Variants in RGS7 observed in about 807,000 individuals in gnomAD.
RGS7 encodes regulator of G protein signaling 7, also known as regulator of G-protein signaling 7.
Under a neutral mutation model 81.1 loss-of-function variants are expected in RGS7, and 27 were observed. The observed-to-expected ratio is 0.33, with a 90% CI of 0.25 to 0.46. The LOEUF is 0.46. RGS7 is among the 20% of genes least tolerant of loss of function. RGS7 has a pLI of 1.00. For missense variants in RGS7, 396 were observed against 607.4 expected (o/e 0.65, Z 3.66); for synonymous variants, 208 against 207.7 (o/e 1.00, Z -0.01).
intron 3 of RGS7, among the ~76,000 whole-genome samples, chr1:241,087,974 C>CTATATA (rs1267222305): frequency 1.7e-5 from 2 of 116,006 alleles, no homozygotes; most frequent in Admixed American, 1.9e-4. Context: ...CTCTCTCTCT[C>CTATATA]TCTATATATA....
At chr1:241,167,936 CA>C (rs2070398277) in intron 2 of RGS7, among the ~76,000 whole-genome samples, 2 of 152,136 alleles carry the variant, frequency 1.3e-5, no homozygotes, top group Admixed American at 6.5e-5. Context: ...CTGGAAGGGG[CA>C]ACTGAAAACA....
chr1:240,962,144 T>C (rs1357404632), intron 4 of RGS7, among the ~76,000 whole-genome samples: 8 of 152,182 alleles, frequency 5.3e-5, no homozygotes, highest in Non-Finnish European at 1.2e-4. Flanking sequence ...GGCAGAAGTC[T>C]ACTGAATCTG....
chr1:240,932,562 G>A (rs970800819), intron 5 of RGS7, among the ~76,000 whole-genome samples: 2 of 146,450 alleles, frequency 1.4e-5, no homozygotes, highest in African/African-American at 5.1e-5. Context: ...AGGCTGGAGT[G>A]CAGTGGTGCG....
chr1:240,807,202 G>T (rs1244700781), intron 14 of RGS7, among the ~76,000 whole-genome samples: 1 of 152,172 alleles, frequency 6.6e-6, no homozygotes, highest in African/African-American at 2.4e-5. Flanking sequence ...TTAATCGGTT[G>T]CATTTCTTCA....
At chr1:240,840,399 G>T (rs763640461) in intron 9 of RGS7, among the ~76,000 whole-genome samples, 7 of 151,856 alleles carry the variant, frequency 4.6e-5, no homozygotes, top group Admixed American at 4.6e-4. Flanking sequence ...TCAGCCTCCC[G>T]AGTAGCTGGG....
intron 2 of RGS7, among the ~76,000 whole-genome samples, chr1:241,242,979 TTTAA>T (rs2076336700): frequency 6.6e-6 from 1 of 151,874 alleles, no homozygotes; most frequent in Admixed American, 6.6e-5. Flanking sequence ...ATTTTTTTAG[TTTAA>T]TTAAGTCCCA....
chr1:241,078,301 C>CTG (rs71568986), intron 3 of RGS7, among the ~76,000 whole-genome samples: 14,229 of 130,096 alleles, frequency 0.11, 809 homozygotes, highest in East Asian at 0.22. Context: ...CTTCTGGTCT[C>CTG]TGTGTGTGTG....
At chr1:241,126,679 C>A (rs979977778) in intron 2 of RGS7, among the ~76,000 whole-genome samples, 11 of 152,206 alleles carry the variant, frequency 7.2e-5, no homozygotes, top group African/African-American at 2.7e-4. Context: ...ACCCCTCCTA[C>A]CTCCAGCCCC....
At chr1:241,194,222 G>A (rs1263386671) in intron 2 of RGS7, among the ~76,000 whole-genome samples, 2 of 151,272 alleles carry the variant, frequency 1.3e-5, no homozygotes. Flanking sequence ...TTAGATTTTT[G>A]TTCAGCTTTC....
chr1:241,297,923 C>T (rs759558481), intron 2 of RGS7, among the ~76,000 whole-genome samples: 3 of 152,194 alleles, frequency 2.0e-5, no homozygotes, highest in Non-Finnish European at 2.9e-5. Context: ...CCTGGGCATC[C>T]TCTAGTATGT....
intron 2 of RGS7, among the ~76,000 whole-genome samples, chr1:241,119,186 C>T (rs926863289): frequency 6.6e-6 from 1 of 152,110 alleles, no homozygotes; most frequent in African/African-American, 2.4e-5. Flanking sequence ...ATATCTATCA[C>T]AACTAACTAT....
At chr1:241,001,039 T>C (rs952137619) in intron 3 of RGS7, among the ~76,000 whole-genome samples, 4 of 152,276 alleles carry the variant, frequency 2.6e-5, no homozygotes, top group South Asian at 2.1e-4. Flanking sequence ...ACTGCAGATA[T>C]AGAACCCTTA....
chr1:240,790,296 A>G (rs536548439), intron 18 of RGS7, among the ~76,000 whole-genome samples: 1 of 152,126 alleles, frequency 6.6e-6, no homozygotes, highest in Non-Finnish European at 1.5e-5. Flanking sequence ...AATAAAATGA[A>G]GTAGAGTTTT....
chr1:241,131,592 T>TA (rs2067106546), intron 2 of RGS7, among the ~76,000 whole-genome samples: 1 of 147,790 alleles, frequency 6.8e-6, no homozygotes. Context: ...GTCTGGGAGC[T>TA]GGGGGCAAAG....
At position 241,187,705 on chromosome 1, in the gene RGS7, A is replaced by G. The variant is rs2103348307; in HGVS notation, c.79-88943T>C. Among the ~76,000 whole-genome samples, 2 of 152,336 alleles carry G rather than the reference A, an allele frequency of 1.3e-5. 1 individual carries two copies. The highest frequency in any genetic ancestry group is 4.1e-4 in the South Asian group (2 of 4,830). ...AGAATGGCTTTATAAAGAAATTAACATTAACCAAGTATATACTGCCACTTA... is the reference window on the plus strand; with the variant it reads ...AGAATGGCTTTATAAAGAAATTAACGTTAACCAAGTATATACTGCCACTTA... On this transcript the variant is annotated intron_variant, in intron 2 of 18. Transcript: ENST00000440928.
intron 3 of RGS7, among the ~76,000 whole-genome samples, chr1:241,002,513 G>A (rs577439006): frequency 2.7e-4 from 41 of 151,354 alleles, no homozygotes; most frequent in Non-Finnish European, 4.6e-4. Context: ...ACTGAAAATG[G>A]AAAGTGTATT....
intron 2 of RGS7, among the ~76,000 whole-genome samples, chr1:241,262,348 A>G (rs914889173): frequency 4.6e-5 from 7 of 152,236 alleles, no homozygotes. Context: ...TGAGAATTGC[A>G]AAGTATCTCA....
At chr1:240,895,443 C>T (rs1466521715) in intron 6 of RGS7, among the ~76,000 whole-genome samples, 7 of 151,728 alleles carry the variant, frequency 4.6e-5, no homozygotes, top group African/African-American at 1.5e-4. Context: ...CCCCCCTCCT[C>T]CACCCCATGA....
chr1:240,843,204 GAAAGAAAGAA>G (rs1240989483), intron 9 of RGS7, among the ~76,000 whole-genome samples: 3 of 151,612 alleles, frequency 2.0e-5, no homozygotes, highest in East Asian at 1.9e-4. Context: ...AAAAGAAAGA[GAAAGAAAGAA>G]AAAGAAAGAA....
Sources: gnomAD v4.1 joint callset for allele counts (sites outside exome capture counted in the v4.1 genomes callset) on GRCh38, gnomAD v4.1.1 for gene constraint, MANE v1.5 for transcripts, NCBI Gene and HGNC (gene_info 2026-07-23, HGNC 2026-07-21) for gene names.